Variants in GRID2 observed in about 807,000 individuals in gnomAD.
GRID2 encodes the protein glutamate receptor ionotropic, delta-2.
In GRID2, 33 loss-of-function variants were observed where a neutral mutation model predicts 114.8. The observed-to-expected ratio is 0.29, with a 90% CI of 0.22 to 0.38. The LOEUF (loss-of-function observed/expected upper bound fraction) is 0.38. Ranked by LOEUF, GRID2 falls within the 10% of genes least tolerant of loss-of-function variation. The pLI is 1.00. For missense variants in GRID2, 1,184 were observed against 1,257.7 expected (o/e 0.94, Z 0.89); for synonymous variants, 505 against 449.9 (o/e 1.12, Z -1.55).
chr4:92,587,460 G>A (rs550123842), intron 1 of GRID2, among the ~76,000 whole-genome samples: 9 of 152,172 alleles, frequency 5.9e-5, no homozygotes, highest in African/African-American at 1.2e-4. Flanking sequence ...GATCCTTCCT[G>A]TGGAACTAAT....
At chr4:93,184,889 A>C (rs992869209) in intron 4 of GRID2, among the ~76,000 whole-genome samples, 2 of 152,126 alleles carry the variant, frequency 1.3e-5, no homozygotes, top group South Asian at 2.1e-4. Flanking sequence ...CTGAAAAAAA[A>C]CACAAAAAAC....
intron 2 of GRID2, among the ~76,000 whole-genome samples, chr4:92,631,287 A>C (rs941013238): frequency 1.3e-5 from 2 of 152,104 alleles, no homozygotes; most frequent in African/African-American, 2.4e-5. Context: ...GATAAGCCTT[A>C]ATTTAGAATG....
intron 8 of GRID2, among the ~76,000 whole-genome samples, chr4:93,267,526 G>A (rs1750988437): frequency 6.6e-6 from 1 of 152,192 alleles, no homozygotes; most frequent in African/African-American, 2.4e-5. Flanking sequence ...CAACCTGGCA[G>A]GGCTTTCTCC....
chr4:93,546,406 G>C (rs1733219065), intron 13 of GRID2, among the ~76,000 whole-genome samples: 1 of 152,150 alleles, frequency 6.6e-6, no homozygotes, highest in South Asian at 2.1e-4. Context: ...AGAGACAAAA[G>C]GACATAGGGC....
intron 14 of GRID2, among the ~76,000 whole-genome samples, chr4:93,702,089 A>G (rs17021029): frequency 0.042 from 6,382 of 152,136 alleles, 208 homozygotes; most frequent in African/African-American, 0.084. Context: ...TTAGACTTTT[A>G]TTATGAAATC....
chr4:93,514,986 C>G (rs116550318), intron 12 of GRID2, among the ~76,000 whole-genome samples: 1 of 152,130 alleles, frequency 6.6e-6, no homozygotes, highest in African/African-American at 2.4e-5. Flanking sequence ...GACGTTTTCA[C>G]TTTTCCTTCA....
At chr4:93,656,227 T>A (rs1722978412) in intron 14 of GRID2, among the ~76,000 whole-genome samples, 1 of 152,020 alleles carries the variant, frequency 6.6e-6, no homozygotes, top group African/African-American at 2.4e-5. Context: ...CTAAATTGTT[T>A]CTATTTAATG....
intron 2 of GRID2, among the ~76,000 whole-genome samples, chr4:92,942,439 C>T (rs550744912): frequency 6.6e-6 from 1 of 152,216 alleles, no homozygotes; most frequent in Admixed American, 6.5e-5. Flanking sequence ...TTCCTCCATC[C>T]CTTTATTTTG....
At chr4:93,149,439 G>A (rs1489330318) in intron 4 of GRID2, among the ~76,000 whole-genome samples, 1 of 151,974 alleles carries the variant, frequency 6.6e-6, no homozygotes, top group African/African-American at 2.4e-5. Context: ...AGCCAAGTGT[G>A]GTGGAGCGCA....
intron 2 of GRID2, among the ~76,000 whole-genome samples, chr4:92,713,473 ATAC>A (rs1200875919): frequency 5.5e-5 from 4 of 72,240 alleles, no homozygotes; most frequent in Non-Finnish European, 1.1e-4. Flanking sequence ...ACATATACAT[ATAC>A]ATATATATAT....
At chr4:92,989,133 C>T (rs1177391321) in intron 2 of GRID2, among the ~76,000 whole-genome samples, 2 of 151,472 alleles carry the variant, frequency 1.3e-5, no homozygotes, top group Admixed American at 6.6e-5. Context: ...AAAAATTAGC[C>T]GGGTGTGGTG....
intron 1 of GRID2, among the ~76,000 whole-genome samples, chr4:92,523,045 C>T (rs1278230024): frequency 6.6e-6 from 1 of 151,750 alleles, no homozygotes; most frequent in Non-Finnish European, 1.5e-5. Flanking sequence ...TAAGGGAGAA[C>T]AGTTAATAGT....
chr4:92,584,160 G>A (rs1376213334), intron 1 of GRID2, among the ~76,000 whole-genome samples: 1 of 151,684 alleles, frequency 6.6e-6, no homozygotes, highest in Admixed American at 6.6e-5. Context: ...CTTGAACTGA[G>A]GGTAACATGA....
chr4:92,825,385 CTGCTT>C (rs1741622704), intron 2 of GRID2, among the ~76,000 whole-genome samples: 8 of 152,126 alleles, frequency 5.3e-5, no homozygotes, highest in African/African-American at 1.7e-4. Flanking sequence ...AGCAGCAGCT[CTGCTT>C]ATCAGTTGTG....
intron 8 of GRID2, among the ~76,000 whole-genome samples, chr4:93,305,798 G>T (rs1449740534): frequency 6.6e-6 from 1 of 152,090 alleles, no homozygotes; most frequent in East Asian, 1.9e-4. Flanking sequence ...CTCTTGCCTG[G>T]ATTATTTTAA....
chr4:92,555,738 T>C (rs1013167223), intron 1 of GRID2, among the ~76,000 whole-genome samples: 2 of 152,158 alleles, frequency 1.3e-5, no homozygotes, highest in Non-Finnish European at 2.9e-5. Context: ...GATGGAGTTA[T>C]CTTCAAATTT....
chr4:92,695,859 T>G (rs1560537503), intron 2 of GRID2, among the ~76,000 whole-genome samples: 1 of 152,160 alleles, frequency 6.6e-6, no homozygotes, highest in East Asian at 1.9e-4. Context: ...CAAAAAAATC[T>G]GAAATCATAC....
chr4:92,560,085 G>A (rs1727038691), intron 1 of GRID2, among the ~76,000 whole-genome samples: 1 of 152,080 alleles, frequency 6.6e-6, no homozygotes, highest in Admixed American at 6.6e-5. Context: ...TGACATTTTA[G>A]GAGTTCTAAA....
rs1210692256 is a variant in GRID2, at chr4:93,772,350, A to T, written c.2876A>T (p.Glu959Val). 1 of 1,614,108 alleles carries T rather than the reference A, an allele frequency of 6.2e-7. No homozygotes were observed. Among genetic ancestry groups the T allele is most frequent in the Admixed American group, 1.7e-5 (1 of 59,994 alleles). The part of the protein sequence containing the change: ...ASGFTFGNVP[E>V]HRTGPFRHRA... ...GGTTTCACTTTTGGCAACGTGCCTG[A>T]GCACCGAACTGGCCCTTTTAGGCAC... The change falls in exon 16 of 16, where the codon GAG becomes GTG. Residue 959 changes from glutamate to valine, a missense_variant. Coordinates refer to ENST00000282020, the MANE Select transcript of GRID2 (RefSeq NM_001510.4).
Sources: allele counts gnomAD v4.1 joint callset (sites outside exome capture counted in the v4.1 genomes callset), GRCh38; gene constraint gnomAD v4.1.1; transcripts MANE v1.5; gene names NCBI Gene and HGNC (gene_info 2026-07-23, HGNC 2026-07-21).